SLC9B1: variants seen among roughly 807,000 people sequenced by gnomAD.
The protein encoded by SLC9B1 is sodium/hydrogen exchanger 9B1.
SLC9B1 carries 32 observed loss-of-function variants against 51.7 expected under a neutral mutation model. The observed-to-expected ratio is 0.62, with a 90% CI of 0.47 to 0.83. The LOEUF (loss-of-function observed/expected upper bound fraction) is 0.83. Ranked by LOEUF, SLC9B1 falls within the 40% of genes least tolerant of loss-of-function variation. The pLI, the probability that SLC9B1 is intolerant of heterozygous loss-of-function variation, is 0.00. For synonymous variants in SLC9B1, 145 were observed against 212.7 expected (o/e 0.68, Z 2.77); for missense variants, 406 against 613.2 (o/e 0.66, Z 3.57).
downstream of SLC9B1, among the ~76,000 whole-genome samples, chr4:102,900,028 T>C (rs968242437): frequency 1.6e-4 from 25 of 152,364 alleles, no homozygotes; most frequent in African/African-American, 5.5e-4. Context: ...TAGTTTTGAT[T>C]GCCTTAAATT....
Position 102,911,500 on chromosome 4 carries a change from G to GA in SLC9B1, c.866_867insT (p.Val290ArgfsTer4), listed in dbSNP as rs1460867320. The GA allele has an allele frequency of 6.3e-7, 1 of 1,596,516 alleles. No individual in the cohort carries two copies. Among genetic ancestry groups the GA allele is most frequent in the Non-Finnish European group, 8.5e-7 (1 of 1,179,386 alleles). ...TTCCTGCCAGCAGACTAATACATAC[G>GA]TTCCTTATAGAGGCTATGGCGTTAT... On this transcript the variant is annotated frameshift_variant, in exon 8 of 12. Transcript: ENST00000296422. LOFTEE classifies it high-confidence loss of function.
intron 3 of SLC9B1, among the ~76,000 whole-genome samples, chr4:102,966,027 C>A (rs557656666): frequency 1.3e-5 from 2 of 152,334 alleles, no homozygotes; most frequent in African/African-American, 2.4e-5. Context: ...GGCAGCCCCA[C>A]CTCCATTGCT....
intron 6 of SLC9B1, among the ~76,000 whole-genome samples, chr4:102,936,281 A>G (rs1191190879): frequency 6.6e-6 from 1 of 152,226 alleles, no homozygotes; most frequent in Admixed American, 6.5e-5. Context: ...CAGTGACTCA[A>G]AACATTAAAG....
intron 3 of SLC9B1, among the ~76,000 whole-genome samples, chr4:102,958,048 G>A (rs1737897613): frequency 6.6e-6 from 1 of 152,182 alleles, no homozygotes; most frequent in Admixed American, 6.5e-5. Flanking sequence ...AGGAGTTTGA[G>A]ACTAGCCTAA....
At chr4:102,907,678 ACATT>A (rs1389854493) in intron 9 of SLC9B1, among the ~76,000 whole-genome samples, 7 of 95,142 alleles carry the variant, frequency 7.4e-5, no homozygotes, top group African/African-American at 1.6e-4. Flanking sequence ...TCTGGGTTTA[ACATT>A]TTTTTTTTTA....
chr4:102,905,531 G>T lies in SLC9B1; in HGVS notation c.1315C>A (p.Pro439Thr), dbSNP rs1210497037. 11 of 1,610,420 alleles carry T rather than the reference G, an allele frequency of 6.8e-6. No individual in the cohort carries two copies. The African/African-American group carries it at 1.3e-4, about 20-fold the overall frequency. Residue 439 changes from proline (P) to threonine (T), a missense_variant, in exon 11 of 12, where the codon CCC becomes ACC. Around this residue, in one of 6 missense-constraint regions of SLC9B1, gnomAD observed 24 missense variants for 30.7 expected, o/e 0.78. Transcript: ENST00000296422. ...EKIFIALAWM[P>T]KATVQAVLGP... ...GTTCTTACCTGTACTGTAGCTTTGG[G>T]CATCCATGCTAAAGCAATAAATATT...
At chr4:102,886,958 T>A (rs1409866995) in intron 11 of SLC9B1, among the ~76,000 whole-genome samples, 2 of 152,150 alleles carry the variant, frequency 1.3e-5, no homozygotes, top group Non-Finnish European at 2.9e-5. Flanking sequence ...ATGCATGAGT[T>A]TTATAGCAAG....
chr4:102,923,769 A>G (rs1736008577), intron 7 of SLC9B1, among the ~76,000 whole-genome samples: 1 of 151,768 alleles, frequency 6.6e-6, no homozygotes. Context: ...ACCAATAACA[A>G]ACAGAGAGCC....
chr4:103,010,720 G>T (rs1386854294), intron 1 of SLC9B1, among the ~76,000 whole-genome samples: 3 of 152,146 alleles, frequency 2.0e-5, no homozygotes, highest in African/African-American at 7.2e-5. Context: ...AGAGACAGAA[G>T]GGCGAAAAGG....
intron 3 of SLC9B1, among the ~76,000 whole-genome samples, chr4:102,956,405 G>A (rs1290103313): frequency 6.6e-6 from 1 of 151,636 alleles, no homozygotes. Context: ...GATTGGAAAA[G>A]TATGGAAGTG....
chr4:102,999,421 A>T (rs542447248), intron 1 of SLC9B1, among the ~76,000 whole-genome samples: 36 of 152,260 alleles, frequency 2.4e-4, no homozygotes, highest in Middle Eastern at 6.8e-3. Context: ...AAGAGTTTTA[A>T]TATTTTTAGT....
At chr4:102,922,696 T>C (rs1415211968) in intron 7 of SLC9B1, among the ~76,000 whole-genome samples, 3 of 151,846 alleles carry the variant, frequency 2.0e-5, no homozygotes, top group East Asian at 1.9e-4. Flanking sequence ...AGGAATCAAA[T>C]AGATGCAATA....
intron 11 of SLC9B1, among the ~76,000 whole-genome samples, chr4:102,903,503 T>G (rs1220263982): frequency 6.6e-6 from 1 of 152,216 alleles, no homozygotes; most frequent in East Asian, 1.9e-4. Context: ...ACTGAGAGAT[T>G]AGAAAATAAT....
chr4:102,972,258 C>A (rs773681069), intron 3 of SLC9B1, among the ~76,000 whole-genome samples: 1 of 152,146 alleles, frequency 6.6e-6, no homozygotes, highest in Admixed American at 6.5e-5. Context: ...ACAGGCAAAC[C>A]GAATCCAGCA....
chr4:102,946,386 C>T (rs112548839), intron 5 of SLC9B1, among the ~76,000 whole-genome samples: 4 of 152,308 alleles, frequency 2.6e-5, no homozygotes, highest in African/African-American at 9.6e-5. Context: ...TCTCAGCTCA[C>T]TGCAACCTCC....
chr4:102,940,704 G>T (rs1303214169), intron 6 of SLC9B1, among the ~76,000 whole-genome samples: 6 of 152,136 alleles, frequency 3.9e-5, no homozygotes, highest in Non-Finnish European at 7.4e-5. Context: ...CCTATAGAGT[G>T]GGAGAAAATC....
At chr4:102,902,095 G>C (rs1734818642) in intron 11 of SLC9B1, among the ~76,000 whole-genome samples, 1 of 152,116 alleles carries the variant, frequency 6.6e-6, no homozygotes, top group African/African-American at 2.4e-5. Context: ...TAGAATGACT[G>C]TACTGGGTCA....
At chr4:102,918,668 G>T (rs967906046) in intron 7 of SLC9B1, among the ~76,000 whole-genome samples, 2 of 152,136 alleles carry the variant, frequency 1.3e-5, no homozygotes, top group Non-Finnish European at 2.9e-5. Flanking sequence ...GAGGCTTAAG[G>T]GAGTTTACTT....
chr4:103,008,141 C>T (rs1470697454), intron 1 of SLC9B1, among the ~76,000 whole-genome samples: 1 of 152,156 alleles, frequency 6.6e-6, no homozygotes, highest in African/African-American at 2.4e-5. Context: ...TAAGTACATA[C>T]ATAAACACAC....
Sources: gnomAD v4.1 joint callset for allele counts (sites outside exome capture counted in the v4.1 genomes callset) on GRCh38, gnomAD v4.1.1 for gene constraint, gnomAD v4.1.1 regional missense constraint, MANE v1.5 for transcripts, NCBI Gene and HGNC (gene_info 2026-07-23, HGNC 2026-07-21) for gene names.